Variants in RMI1 observed in about 807,000 individuals in gnomAD.
RMI1 encodes RecQ mediated genome instability 1.
In RMI1, 36 loss-of-function variants were observed where a neutral mutation model predicts 46.7. The observed-to-expected ratio is 0.77, with a 90% CI of 0.59 to 1.02. The LOEUF (loss-of-function observed/expected upper bound fraction) is 1.02, where lower values mean the gene tolerates loss of function less well. Ranked by LOEUF, RMI1 falls within the 50% of genes least tolerant of loss-of-function variation. The pLI is 0.00. For synonymous variants in RMI1, 250 were observed against 252.9 expected (o/e 0.99, Z 0.11); for missense variants, 676 against 713.7 (o/e 0.95, Z 0.60).
chr9:83,980,975 T>G (rs1957370319), intron 1 of RMI1, 84 bp downstream of exon 1: 1 of 152,320 alleles, frequency 6.6e-6, no homozygotes, highest in African/African-American at 2.4e-5. Context: ...CGGGCTGTGG[T>G]CTGTGGGCTG....
Position 84,001,478 on chromosome 9 carries a change from T to C in RMI1, c.492T>C (p.Gly164=). 1 of 1,614,054 alleles carries C rather than the reference T, an allele frequency of 6.2e-7. No homozygotes were observed. The highest frequency in any genetic ancestry group is 1.7e-5 in the Admixed American group (1 of 59,996). ...TTCTTCATAGTGATCTTCCTCCAGG[T>C]ACAAAAATTTTGATTTATGGAAATA... ...IPILHSDLPP[G]TKILIYGNIS... Residue 164 remains glycine, a synonymous_variant, in exon 3 of 3, where the codon GGT becomes GGC. Coordinates refer to ENST00000445877, the MANE Select transcript of RMI1 (RefSeq NM_001358291.2).
At chr9:83,997,350 A>G (rs1957672364) in intron 1 of RMI1, among the ~76,000 whole-genome samples, 1 of 151,524 alleles carries the variant, frequency 6.6e-6, no homozygotes, top group Non-Finnish European at 1.5e-5. Context: ...ACCTCAGGTG[A>G]TCCTTCCACC....
intron 1 of RMI1, among the ~76,000 whole-genome samples, chr9:83,982,013 T>A (rs1957413763): frequency 6.6e-6 from 1 of 152,232 alleles, no homozygotes; most frequent in South Asian, 2.1e-4. Flanking sequence ...GATAATATAA[T>A]TTTTTAAATG....
intron 1 of RMI1, among the ~76,000 whole-genome samples, chr9:83,990,328 A>G (rs755912036): frequency 2.0e-5 from 3 of 152,178 alleles, no homozygotes; most frequent in Admixed American, 2.0e-4. Flanking sequence ...CCTGGCCAAC[A>G]TAGTGAAACC....
At chr9:83,986,486 T>A (rs1212751736) in intron 1 of RMI1, among the ~76,000 whole-genome samples, 1 of 152,218 alleles carries the variant, frequency 6.6e-6, no homozygotes, top group Non-Finnish European at 1.5e-5. Context: ...ATTAGCAGAA[T>A]TTATGTTCTA....
chr9:83,998,667 C>T (rs1957694621), intron 1 of RMI1, among the ~76,000 whole-genome samples: 4 of 152,212 alleles, frequency 2.6e-5, no homozygotes, highest in African/African-American at 9.6e-5. Flanking sequence ...TTTGGGGATG[C>T]AATGTAAAAT....
intron 1 of RMI1, among the ~76,000 whole-genome samples, chr9:83,995,845 C>T (rs568065720): frequency 6.6e-6 from 1 of 152,038 alleles, no homozygotes; most frequent in South Asian, 2.1e-4. Context: ...TTTTAGAGAC[C>T]ATTTTCTGTT....
intron 1 of RMI1, among the ~76,000 whole-genome samples, chr9:83,985,827 G>A (rs1225133017): frequency 2.0e-5 from 3 of 152,038 alleles, no homozygotes; most frequent in Non-Finnish European, 4.4e-5. Flanking sequence ...GCTAACACGG[G>A]GAAACCCCGT....
At chr9:83,982,584 C>T (rs1039768149) in intron 1 of RMI1, among the ~76,000 whole-genome samples, 1 of 152,038 alleles carries the variant, frequency 6.6e-6, no homozygotes, top group Non-Finnish European at 1.5e-5. Context: ...AGGAGAATGG[C>T]GTGAACCCGG....
At chr9:83,981,931 G>A in intron 1 of RMI1, among the ~76,000 whole-genome samples, 1 of 152,194 alleles carries the variant, frequency 6.6e-6, no homozygotes, top group East Asian at 1.9e-4. Flanking sequence ...TACATTCTGG[G>A]AGGATACGTT....
intron 1 of RMI1, among the ~76,000 whole-genome samples, chr9:83,992,767 T>G (rs961588815): frequency 1.3e-5 from 2 of 152,238 alleles, no homozygotes; most frequent in East Asian, 3.8e-4. Flanking sequence ...TGGCCTTATA[T>G]CTTGCTAACT....
At chr9:83,986,343 G>T (rs1481717435) in intron 1 of RMI1, among the ~76,000 whole-genome samples, 1 of 152,160 alleles carries the variant, frequency 6.6e-6, no homozygotes, top group Non-Finnish European at 1.5e-5. Flanking sequence ...CATTATAGTA[G>T]CAGCAAACCA....
chr9:83,985,935 G>C (rs1156697279), intron 1 of RMI1, among the ~76,000 whole-genome samples: 1 of 152,108 alleles, frequency 6.6e-6, no homozygotes, highest in African/African-American at 2.4e-5. Flanking sequence ...CAGGAACCCG[G>C]CAGGCTGAGT....
chr9:84,002,052 C>T lies in RMI1; in HGVS notation c.1066C>T (p.Pro356Ser). The T allele has an allele frequency of 6.2e-7, 1 of 1,613,706 alleles. No homozygotes were observed. The highest frequency in any genetic ancestry group is 1.1e-5 in the South Asian group (1 of 91,046). ...AAGTATAGAGAGATTTTCACATAATCCTAATACTACGAATAACTTTTCTTT... is the reference window on the plus strand; with the variant it reads ...AAGTATAGAGAGATTTTCACATAATTCTAATACTACGAATAACTTTTCTTT... ...DRSIERFSHNPNTTNNFSLTC... is the reference protein window; with the variant it reads ...DRSIERFSHNSNTTNNFSLTC... The change falls in exon 3 of 3, where the codon CCT (proline) becomes TCT (serine). Residue 356 changes from proline (P) to serine (S), a missense_variant. By Grantham distance (74) the Pro-to-Ser change is moderately conservative. Transcript: ENST00000445877.
At chr9:83,984,559 A>T (rs548602185) in intron 1 of RMI1, among the ~76,000 whole-genome samples, 34 of 150,162 alleles carry the variant, frequency 2.3e-4, no homozygotes, top group Non-Finnish European at 4.4e-4. Context: ...AGTTTTGAAC[A>T]TCTTTTTTTC....
In RMI1 at chr9:84,001,250, G is replaced by C. The variant is rs753390781; in HGVS notation, c.264G>C (p.Gln88His). 5 of 1,613,996 alleles carry C rather than the reference G, an allele frequency of 3.1e-6. No homozygotes were observed. The highest frequency in any genetic ancestry group is 4.2e-6 in the Non-Finnish European group (5 of 1,180,006). ...AATTAAATGGATTTTATGCTCTGCA[G>C]ATTAATTCCTTGGTTGATGTAAGTC... The part of the protein sequence containing the change: ...KGELNGFYAL[Q>H]INSLVDVSQP... Residue 88 changes from glutamine to histidine, a missense_variant, in exon 3 of 3, where the codon CAG (glutamine) becomes CAC (histidine). Coordinates refer to ENST00000445877, the MANE Select transcript of RMI1 (RefSeq NM_001358291.2).
chr9:83,985,666 A>C (rs1448097392), intron 1 of RMI1, among the ~76,000 whole-genome samples: 1 of 152,164 alleles, frequency 6.6e-6, no homozygotes, highest in African/African-American at 2.4e-5. Context: ...TGTTTTTCAG[A>C]ATTCATCCCA....
intron 1 of RMI1, among the ~76,000 whole-genome samples, chr9:83,993,590 A>G (rs1256308022): frequency 5.3e-5 from 8 of 152,082 alleles, no homozygotes; most frequent in Non-Finnish European, 1.2e-4. Flanking sequence ...CCATTTTATA[A>G]TAATATTAAC....
intron 1 of RMI1, among the ~76,000 whole-genome samples, chr9:83,986,705 A>G (rs984901768): frequency 6.6e-6 from 1 of 152,238 alleles, no homozygotes; most frequent in East Asian, 1.9e-4. Context: ...TATTTTCAGC[A>G]AAGTCTTCAC....
Sources: allele counts gnomAD v4.1 joint callset (sites outside exome capture counted in the v4.1 genomes callset), GRCh38; gene constraint gnomAD v4.1.1; transcripts MANE v1.5; gene names NCBI Gene and HGNC (gene_info 2026-07-23, HGNC 2026-07-21).